Variants in SNX29 observed in about 807,000 individuals in gnomAD.
SNX29 encodes sorting nexin 29, also known as sorting nexin-29.
A neutral mutation model predicts 102.1 loss-of-function variants in SNX29; 78 were observed. The observed-to-expected ratio is 0.76, with a 90% CI of 0.64 to 0.92. The LOEUF is 0.92. Among genes scored for constraint, SNX29 ranks in the 40% least tolerant of loss-of-function variants. The pLI is 0.00. For synonymous variants in SNX29, 580 were observed against 414.5 expected (o/e 1.40, Z -4.85); for missense variants, 1,280 against 1,061.7 (o/e 1.21, Z -2.86).
intron 13 of SNX29, among the ~76,000 whole-genome samples, chr16:12,156,305 C>G (rs1053494480): frequency 3.3e-5 from 5 of 152,244 alleles, no homozygotes; most frequent in African/African-American, 1.2e-4. Context: ...TCCTGAGTAG[C>G]TGGGACTACA....
intron 18 of SNX29, among the ~76,000 whole-genome samples, chr16:12,447,813 C>T (rs1005847719): frequency 3.3e-5 from 5 of 152,216 alleles, no homozygotes; most frequent in African/African-American, 1.2e-4. Context: ...ACAGCCCCAC[C>T]ACTCAGAGAG....
chr16:12,537,007 A>G (rs1459281661), intron 20 of SNX29, among the ~76,000 whole-genome samples: 1 of 152,186 alleles, frequency 6.6e-6, no homozygotes, highest in Non-Finnish European at 1.5e-5. Flanking sequence ...AGAGTTGTTC[A>G]GGGCATGGGG....
intron 16 of SNX29, among the ~76,000 whole-genome samples, chr16:12,362,338 C>T (rs990148742): frequency 1.5e-4 from 23 of 152,158 alleles, no homozygotes; most frequent in African/African-American, 5.1e-4. Context: ...GGGTGAAAAC[C>T]CAGAGATCTT....
At chr16:12,115,638 A>G (rs761677013) in intron 11 of SNX29, among the ~76,000 whole-genome samples, 2 of 152,044 alleles carry the variant, frequency 1.3e-5, no homozygotes, top group African/African-American at 4.8e-5. Flanking sequence ...AGACCTACTG[A>G]TTTTGTGTTT....
intron 20 of SNX29, among the ~76,000 whole-genome samples, chr16:12,550,258 C>T (rs549714294): frequency 5.3e-5 from 8 of 152,244 alleles, no homozygotes; most frequent in African/African-American, 1.9e-4. Context: ...AAATATGGGC[C>T]AGACACAGAG....
intron 14 of SNX29, among the ~76,000 whole-genome samples, chr16:12,213,845 G>A (rs1179791423): frequency 1.3e-5 from 2 of 152,192 alleles, no homozygotes; most frequent in Admixed American, 1.3e-4. Context: ...GCTGGGAGAC[G>A]TGGGGCTTAT....
At chr16:12,034,768 T>C (rs1393368598) in intron 4 of SNX29, among the ~76,000 whole-genome samples, 1 of 152,180 alleles carries the variant, frequency 6.6e-6, no homozygotes, top group Middle Eastern at 3.2e-3. Flanking sequence ...CCCAGCACTT[T>C]GGGAGGCCGA....
chr16:12,485,486 T>C (rs1008798711), intron 19 of SNX29, among the ~76,000 whole-genome samples: 2 of 152,196 alleles, frequency 1.3e-5, no homozygotes, highest in African/African-American at 4.8e-5. Flanking sequence ...ATTAAAATCC[T>C]CATTAAAAAC....
intron 20 of SNX29, among the ~76,000 whole-genome samples, chr16:12,560,398 C>G (rs559714752): frequency 1.3e-5 from 2 of 152,060 alleles, no homozygotes; most frequent in Middle Eastern, 3.2e-3. Flanking sequence ...TTCTTTAATC[C>G]CCAAAAGCCA....
At chr16:12,279,571 G>A (rs1251533270) in intron 15 of SNX29, among the ~76,000 whole-genome samples, 3 of 152,178 alleles carry the variant, frequency 2.0e-5, no homozygotes, top group Non-Finnish European at 4.4e-5. Flanking sequence ...TGGTGGCAGT[G>A]CCAGGGTTCT....
At chr16:12,066,421 C>T (rs935610853) in intron 9 of SNX29, among the ~76,000 whole-genome samples, 9 of 151,962 alleles carry the variant, frequency 5.9e-5, no homozygotes, top group Non-Finnish European at 8.8e-5. Flanking sequence ...CAGCCTAGTG[C>T]GACATAAGAT....
At chr16:12,199,979 T>G (rs917690032) in intron 14 of SNX29, among the ~76,000 whole-genome samples, 1 of 152,172 alleles carries the variant, frequency 6.6e-6, no homozygotes, top group Non-Finnish European at 1.5e-5. Flanking sequence ...GCAGTGAACC[T>G]TGTGGTATGA....
At chr16:12,351,139 G>C (rs185592090) in intron 15 of SNX29, among the ~76,000 whole-genome samples, 2 of 152,324 alleles carry the variant, frequency 1.3e-5, no homozygotes, top group East Asian at 3.9e-4. Flanking sequence ...AAGCATGCCA[G>C]CCCTGCAGGG....
intron 13 of SNX29, among the ~76,000 whole-genome samples, chr16:12,132,651 A>T (rs1199779156): frequency 6.6e-6 from 1 of 152,238 alleles, no homozygotes; most frequent in Non-Finnish European, 1.5e-5. Flanking sequence ...GTTTTAGTGC[A>T]TGACAATTGT....
At chr16:12,537,238 C>T (rs1021256206) in intron 20 of SNX29, among the ~76,000 whole-genome samples, 1 of 152,180 alleles carries the variant, frequency 6.6e-6, no homozygotes, top group Non-Finnish European at 1.5e-5. Context: ...GTGCCAGGCA[C>T]ACCCAAAATA....
At chr16:12,556,958 C>T (rs1297530715) in intron 20 of SNX29, among the ~76,000 whole-genome samples, 1 of 137,666 alleles carries the variant, frequency 7.3e-6, no homozygotes, top group South Asian at 2.4e-4. Flanking sequence ...GCTCAGTCTT[C>T]CCACTTCTGC....
At chr16:11,985,471 G>A (rs1481840654) in intron 1 of SNX29, among the ~76,000 whole-genome samples, 1 of 152,186 alleles carries the variant, frequency 6.6e-6, no homozygotes, top group African/African-American at 2.4e-5. Context: ...AAGCTTAGCT[G>A]GATCCACGTG....
intron 11 of SNX29, chr16:12,088,094 AC>A: frequency 2.2e-6 from 1 of 456,566 alleles, no homozygotes; most frequent in Non-Finnish European, 4.4e-6. Flanking sequence ...TGCTCTCCAC[AC>A]AGGTCCTGCC....
intron 4 of SNX29, among the ~76,000 whole-genome samples, chr16:12,035,100 T>C (rs1041136984): frequency 6.6e-6 from 1 of 152,202 alleles, no homozygotes; most frequent in Non-Finnish European, 1.5e-5. Flanking sequence ...GTGGGTCCTT[T>C]GCTTTGCTCC....
Sources: allele counts gnomAD v4.1 joint callset (sites outside exome capture counted in the v4.1 genomes callset), GRCh38; gene constraint gnomAD v4.1.1; transcripts MANE v1.5; gene names NCBI Gene and HGNC (gene_info 2026-07-23, HGNC 2026-07-21).